Variants in KLF7 observed in about 807,000 individuals in gnomAD.
KLF7 encodes KLF transcription factor 7.
Under a neutral mutation model 27.3 loss-of-function variants are expected in KLF7, and 2 were observed. The ratio of observed to expected loss-of-function variants is 0.07; its 90% CI spans 0.03 to 0.23. The LOEUF (loss-of-function observed/expected upper bound fraction) is 0.23. Ranked by LOEUF, KLF7 falls within the 10% of genes least tolerant of loss-of-function variation. KLF7 has a pLI of 1.00. For missense variants in KLF7, 221 were observed against 394.1 expected, an observed-to-expected ratio of 0.56 and a Z score of 3.72; for synonymous variants, 165 against 162.4, an observed-to-expected ratio of 1.02 and a Z score of -0.12.
At chr2:207,171,306 GAA>G (rs1350489759), upstream of KLF7, among the ~76,000 whole-genome samples, 14 of 152,104 alleles carry the variant, frequency 9.2e-5, no homozygotes, top group African/African-American at 3.1e-4. Flanking sequence ...GATTAGCAAA[GAA>G]AGTTCTTTTC....
intron 2 of KLF7, among the ~76,000 whole-genome samples, chr2:207,103,723 C>A (rs571864200): frequency 5.9e-5 from 9 of 152,336 alleles, no homozygotes; most frequent in African/African-American, 2.2e-4. Context: ...AAGTTACCTA[C>A]TCTTTAAGTC....
intron 2 of KLF7, among the ~76,000 whole-genome samples, chr2:207,098,848 G>A (rs556759644): frequency 1.5e-5 from 2 of 131,804 alleles, no homozygotes; most frequent in African/African-American, 5.9e-5. Flanking sequence ...TTGAACTCCT[G>A]GCCTGAAGTG....
intron 3 of KLF7, among the ~76,000 whole-genome samples, chr2:207,086,360 T>G (rs1276177128): frequency 1.3e-5 from 2 of 152,216 alleles, no homozygotes; most frequent in East Asian, 3.9e-4. Flanking sequence ...TCACCGTAAT[T>G]GAAACGCCAA....
At chr2:207,106,639 T>A (rs2076890523) in intron 2 of KLF7, among the ~76,000 whole-genome samples, 1 of 152,148 alleles carries the variant, frequency 6.6e-6, no homozygotes, top group Non-Finnish European at 1.5e-5. Context: ...GAAGCGTGAA[T>A]CATACATGCT....
At chr2:207,113,035 G>A (rs1301554236) in intron 2 of KLF7, among the ~76,000 whole-genome samples, 1 of 152,152 alleles carries the variant, frequency 6.6e-6, no homozygotes, top group Non-Finnish European at 1.5e-5. Flanking sequence ...AAACAATCGG[G>A]AAAATCCCAT....
intron 1 of KLF7, among the ~76,000 whole-genome samples, chr2:207,146,688 A>G (rs752396510): frequency 2.0e-5 from 3 of 152,136 alleles, no homozygotes; most frequent in Non-Finnish European, 4.4e-5. Flanking sequence ...TTCCTGCTCA[A>G]GAGAGAAAGT....
At chr2:207,084,506 T>TGAACTG (rs2105857057) in intron 3 of KLF7, among the ~76,000 whole-genome samples, 1 of 152,146 alleles carries the variant, frequency 6.6e-6, no homozygotes, top group South Asian at 2.1e-4. Context: ...CCCTACTGAA[T>TGAACTG]CAAATGAGCA....
At chr2:207,091,617 C>G (rs757121976) in intron 2 of KLF7, among the ~76,000 whole-genome samples, 1 of 152,160 alleles carries the variant, frequency 6.6e-6, no homozygotes, top group Non-Finnish European at 1.5e-5. Context: ...AATGAAGGAG[C>G]AGTGCCTGAA....
chr2:207,149,722 G>A (rs2078190197), intron 1 of KLF7, among the ~76,000 whole-genome samples: 1 of 152,224 alleles, frequency 6.6e-6, no homozygotes, highest in Non-Finnish European at 1.5e-5. Flanking sequence ...AGAGTTCACA[G>A]GGGCTTGGCC....
intron 1 of KLF7, among the ~76,000 whole-genome samples, chr2:207,164,098 T>C (rs1447469099): frequency 6.6e-6 from 1 of 152,194 alleles, no homozygotes; most frequent in Non-Finnish European, 1.5e-5. Context: ...AGAAGTGAAC[T>C]AGCAACAATG....
intron 2 of KLF7, among the ~76,000 whole-genome samples, chr2:207,111,707 T>C (rs74346990): frequency 0.011 from 1,690 of 152,300 alleles, 35 homozygotes; most frequent in African/African-American, 0.038. Context: ...ACTCTCACTA[T>C]TGTTTTAAAC....
chr2:207,167,061 C>G (rs963640668), upstream of KLF7: 2 of 1,266,028 alleles, frequency 1.6e-6, no homozygotes, highest in Admixed American at 7.0e-5. Flanking sequence ...GTTAAAGAGG[C>G]TAGAGGGAGC....
chr2:207,100,981 A>G (rs868398342), intron 2 of KLF7, among the ~76,000 whole-genome samples: 6 of 152,204 alleles, frequency 3.9e-5, no homozygotes, highest in Non-Finnish European at 8.8e-5. Flanking sequence ...ACATGCACTG[A>G]ATACAATGTT....
intron 1 of KLF7, among the ~76,000 whole-genome samples, chr2:207,141,052 C>T (rs1191831449): frequency 6.6e-6 from 1 of 151,978 alleles, no homozygotes; most frequent in Non-Finnish European, 1.5e-5. Flanking sequence ...GTTTCTTTAT[C>T]AAGAAACCAA....
At chr2:207,130,122 C>T (rs2106011893) in intron 1 of KLF7, among the ~76,000 whole-genome samples, 1 of 127,658 alleles carries the variant, frequency 7.8e-6, no homozygotes, top group East Asian at 2.3e-4. Flanking sequence ...TCCCCTACGA[C>T]CCTTACCTAA....
At chr2:207,173,280 C>G in the KLF7 span, among the ~76,000 whole-genome samples, 1 of 152,088 alleles carries the variant, frequency 6.6e-6, no homozygotes, top group African/African-American at 2.4e-5. Context: ...ACTTTCTGCC[C>G]ATAATTTGAC....
chr2:207,076,132 G>C lies in KLF7; in HGVS notation c.*5081C>G, dbSNP rs1402040990. The C allele has an allele frequency of 6.6e-6, 1 of 152,092 alleles. No homozygotes were observed. The highest frequency in any genetic ancestry group is 1.9e-4 in the East Asian group (1 of 5,186). The allele number at this position is 152,092 out of a possible 1,614,324, so 9.4% of individuals were successfully genotyped here. A position where few individuals can be genotyped will look rare whatever the true frequency, so the allele number is the denominator to read the frequency against. On this transcript the variant is annotated 3_prime_UTR_variant, in exon 4 of 4. Transcript: ENST00000309446. ...TTTTCCTTCCGTGAAGGTACGACAG[G>C]TACATATGCGCATGTCTAGGTGCGA...
rs2077403812 is a variant in KLF7, at chr2:207,123,834, C to T, written c.673G>A (p.Gly225Arg). The T allele has an allele frequency of 1.2e-6, 2 of 1,614,026 alleles. No individual in the cohort carries two copies. The highest frequency in any genetic ancestry group is 1.3e-5 in the African/African-American group (1 of 74,918). Residue 225 changes from glycine (G) to arginine (R), a missense_variant, in exon 2 of 4, where the codon GGG becomes AGG. Gly to Arg is a moderately radical substitution (Grantham distance 125, BLOSUM62 -2). This residue lies in a region of KLF7 where 30 missense variants were observed against 115.4 expected (regional missense o/e 0.26). Coordinates refer to ENST00000309446, the MANE Select transcript of KLF7 (RefSeq NM_003709.4). ...CTTTTTGTATAAACTTTCCGGCACC[C>T]GTTAAACTGACAGCGGTGAACCCTC... is the stretch of plus-strand genomic sequence containing the variant. ...KKRVHRCQFN[G>R]CRKVYTKSSH...
At chr2:207,140,026 C>G (rs755178879) in intron 1 of KLF7, among the ~76,000 whole-genome samples, 30 of 152,094 alleles carry the variant, frequency 2.0e-4, no homozygotes, top group Non-Finnish European at 3.8e-4. Context: ...ATAGCTGGGA[C>G]TATAGGTGCC....
Sources: allele counts gnomAD v4.1 joint callset (sites outside exome capture counted in the v4.1 genomes callset), GRCh38; gene constraint gnomAD v4.1.1; regional missense constraint gnomAD v4.1.1; transcripts MANE v1.5; gene names NCBI Gene and HGNC (gene_info 2026-07-23, HGNC 2026-07-21).